The following PDIA6 variants were observed in gnomAD, a reference collection of about 807,000 sequenced individuals.
PDIA6 encodes protein disulfide-isomerase A6.
PDIA6 carries 29 observed loss-of-function variants against 58.4 expected under a neutral mutation model. That is an observed-to-expected ratio of 0.50 (90% CI 0.37 to 0.68). The LOEUF (loss-of-function observed/expected upper bound fraction) is 0.68, where lower values mean the gene tolerates loss of function less well. Among genes scored for constraint, PDIA6 ranks in the 30% least tolerant of loss-of-function variants. The probability of loss-of-function intolerance (pLI) is 0.00; values close to 1 mark genes in which losing one functional copy is unlikely to be tolerated. For synonymous variants in PDIA6, 192 were observed against 202.6 expected (o/e 0.95, Z 0.44); for missense variants, 480 against 551.0 (o/e 0.87, Z 1.29).
upstream of PDIA6, among the ~76,000 whole-genome samples, chr2:10,815,772 T>C (rs965569618): frequency 1.3e-5 from 2 of 152,162 alleles, no homozygotes; most frequent in Non-Finnish European, 2.9e-5. Context: ...CTCGAACTCC[T>C]GACCTCATGT....
upstream of PDIA6, chr2:10,812,929 C>A (rs555890898): frequency 3.3e-6 from 3 of 922,928 alleles, no homozygotes; most frequent in Admixed American, 6.3e-5. Flanking sequence ...TAGAGGTTAC[C>A]GGTTTGGTTT....
chr2:10,786,961 G>C (rs1449541559), intron 11 of PDIA6, among the ~76,000 whole-genome samples: 2 of 152,192 alleles, frequency 1.3e-5, no homozygotes, highest in Non-Finnish European at 2.9e-5. Context: ...AGGATGGACA[G>C]ACAGGGCTGC....
At chr2:10,801,898 C>A (rs1350277631) in intron 2 of PDIA6, among the ~76,000 whole-genome samples, 1 of 152,234 alleles carries the variant, frequency 6.6e-6, no homozygotes, top group East Asian at 1.9e-4. Context: ...CAGTTCTTCA[C>A]AGACACACAG....
At chr2:10,785,202 C>T in intron 11 of PDIA6, 172 bp from the exon 12 acceptor site, 2 of 572,562 alleles carry the variant, frequency 3.5e-6, no homozygotes, top group Non-Finnish European at 6.2e-6. Context: ...TCTTTTTAAT[C>T]ACGGACAACA....
At chr2:10,825,351 T>G (rs1667525184) in intron 1 of PDIA6, among the ~76,000 whole-genome samples, 1 of 152,176 alleles carries the variant, frequency 6.6e-6, no homozygotes, top group East Asian at 1.9e-4. Flanking sequence ...GAATCCTGAC[T>G]AATACGGTAT....
rs142782761 is a variant in PDIA6 at position 10,806,628 on chromosome 2, C to CAAAGAAAA, written c.20-3989_20-3988insTTTTCTTT. ...AACCACATCTCCTAAAAAATAAAGA[C>CAAAGAAAA]AGAAAGAAAGAAAGAAAGAAAAACG... On this transcript the variant is annotated intron_variant, in intron 1 of 12. Transcript: ENST00000272227. Among the ~76,000 whole-genome samples the CAAAGAAAA allele has an allele frequency of 1.9e-3, 130 of 70,254 alleles. 6 individuals carry two copies. The highest frequency in any genetic ancestry group is 0.019 in the Middle Eastern group (2 of 104). 46.1% of individuals were successfully genotyped at this position (70,254 alleles called of 152,430 possible).
At chr2:10,808,704 C>G (rs1666866759) in intron 1 of PDIA6, among the ~76,000 whole-genome samples, 1 of 152,138 alleles carries the variant, frequency 6.6e-6, no homozygotes, top group African/African-American at 2.4e-5. Context: ...CGGGGCTGCT[C>G]TCTCAGTAAC....
intron 7 of PDIA6, 68 bp downstream of exon 7, chr2:10,790,651 G>A (rs970530583): frequency 2.7e-6 from 3 of 1,111,386 alleles, no homozygotes; most frequent in Admixed American, 3.4e-5. Flanking sequence ...AGGGAGGCCT[G>A]GAGTATTGGA....
At chr2:10,791,614 G>A (rs1302031276) in intron 6 of PDIA6, among the ~76,000 whole-genome samples, 181 bp downstream of exon 6, 1 of 152,164 alleles carries the variant, frequency 6.6e-6, no homozygotes, top group African/African-American at 2.4e-5. Flanking sequence ...GTTAATCTTT[G>A]GCAATAGGAG....
intron 1 of PDIA6, among the ~76,000 whole-genome samples, chr2:10,825,494 A>G (rs1017230684): frequency 6.6e-6 from 1 of 152,232 alleles, no homozygotes; most frequent in Admixed American, 6.5e-5. Flanking sequence ...GAATTCATCA[A>G]ATTAAAACCT....
At chr2:10,836,853 C>A (rs1667841794), upstream of PDIA6, among the ~76,000 whole-genome samples, 2 of 152,134 alleles carry the variant, frequency 1.3e-5, no homozygotes, top group African/African-American at 4.8e-5. Context: ...CTCAGGGTAG[C>A]AGACAGGGTT....
upstream of PDIA6, among the ~76,000 whole-genome samples, chr2:10,816,890 G>T (rs1343848675): frequency 1.3e-5 from 2 of 152,124 alleles, no homozygotes; most frequent in Non-Finnish European, 2.9e-5. Flanking sequence ...GACCCACACT[G>T]GGCATGTGCT....
chr2:10,784,601 A>G (rs780896187), intron 12 of PDIA6: 15 of 517,842 alleles, frequency 2.9e-5, no homozygotes, highest in Non-Finnish European at 4.7e-5. Flanking sequence ...ACAACAGTAC[A>G]GAAATAAGTG....
At chr2:10,799,306 C>A (rs1385400898) in intron 2 of PDIA6, among the ~76,000 whole-genome samples, 1 of 152,180 alleles carries the variant, frequency 6.6e-6, no homozygotes, top group Non-Finnish European at 1.5e-5. Flanking sequence ...CTAATTAGGT[C>A]TCTAAGAACC....
rs893313672 is a variant in PDIA6 at position 10,784,592 on chromosome 2, C to G, written c.1255-266G>C. 5.7e-6 allele frequency: 3 copies of G among 525,692 alleles called. No homozygotes were observed. In the African/African-American group the frequency reaches 5.7e-5, roughly 10 times the overall value. The allele number at this position is 525,692 out of a possible 1,614,324, so 32.6% of individuals were successfully genotyped here. ...GTGTCCTTTTGAGGAGGGTGGGACA[C>G]AACAGTACAGAAATAAGTGCTAATT... On this transcript the variant is annotated intron_variant, in intron 12 of 12. Transcript: ENST00000272227.
At chr2:10,822,243 A>G (rs1667418613) in intron 1 of PDIA6, among the ~76,000 whole-genome samples, 1 of 147,864 alleles carries the variant, frequency 6.8e-6, no homozygotes, top group South Asian at 2.1e-4. Flanking sequence ...CCAGCCATAA[A>G]TGATTTTTAT....
At chr2:10,829,755 T>C (rs1667652132) in intron 1 of PDIA6, among the ~76,000 whole-genome samples, 1 of 152,216 alleles carries the variant, frequency 6.6e-6, no homozygotes, top group Non-Finnish European at 1.5e-5. Context: ...ATTGACACTG[T>C]ACGTGATTAC....
Position 10,812,764 on chromosome 2 carries a change from C to A in PDIA6, c.-68G>T. 7.5e-7 allele frequency: 1 copy of A among 1,339,448 alleles called. No individual in the cohort carries two copies. The highest frequency in any genetic ancestry group is 3.3e-5 in the East Asian group (1 of 30,386). The allele number at this position is 1,339,448 out of a possible 1,614,324, so 83.0% of individuals were successfully genotyped here. ...TTCAGCCCTGCAGCGTGCCGCACGC[C>A]GCGCCCCCGCGCCCACGTCCCGCCC... On this transcript the variant is annotated 5_prime_UTR_variant, in exon 1 of 13. Transcript: ENST00000272227.
upstream of PDIA6, among the ~76,000 whole-genome samples, chr2:10,834,833 C>T (rs185612761): frequency 7.7e-4 from 116 of 151,514 alleles, no homozygotes; most frequent in Admixed American, 5.2e-3. Context: ...GTGGTGTGAT[C>T]TTAGCTCACC....
Sources: gnomAD v4.1 joint callset for allele counts (sites outside exome capture counted in the v4.1 genomes callset) on GRCh38, gnomAD v4.1.1 for gene constraint, MANE v1.5 for transcripts, NCBI Gene and HGNC (gene_info 2026-07-23, HGNC 2026-07-21) for gene names.